The following CLDN16 variants were observed in gnomAD, a reference collection of about 807,000 sequenced individuals.
CLDN16 encodes the protein claudin-16.
CLDN16 carries 13 observed loss-of-function variants against 24.6 expected under a neutral mutation model. That is an observed-to-expected ratio of 0.53 (90% confidence interval 0.34 to 0.84). CLDN16 has a LOEUF of 0.84. Among genes scored for constraint, CLDN16 ranks in the 40% least tolerant of loss-of-function variants. The pLI is 0.01. For missense variants in CLDN16, 298 were observed against 292.7 expected (o/e 1.02, Z -0.13); for synonymous variants, 116 against 106.7 (o/e 1.09, Z -0.54).
chr3:190,316,343 TG>T, the CLDN16 span, among the ~76,000 whole-genome samples: 1 of 152,250 alleles, frequency 6.6e-6, no homozygotes, highest in Non-Finnish European at 1.5e-5. Flanking sequence ...CCCAAAATCT[TG>T]CTTTGCTTCA....
upstream of CLDN16, among the ~76,000 whole-genome samples, chr3:190,385,931 A>G (rs780648382): frequency 3.9e-5 from 6 of 152,158 alleles, no homozygotes; most frequent in Non-Finnish European, 7.3e-5. Flanking sequence ...AATTTCCTGA[A>G]TCCAAATGTC....
intron 1 of CLDN16, among the ~76,000 whole-genome samples, chr3:190,347,568 C>T (rs960282021): frequency 1.3e-5 from 2 of 152,136 alleles, no homozygotes; most frequent in Non-Finnish European, 2.9e-5. Context: ...TCTTAGGTAT[C>T]AAGGACACAG....
chr3:190,400,846 C>T (rs1334793886), intron 1 of CLDN16, among the ~76,000 whole-genome samples: 1 of 152,008 alleles, frequency 6.6e-6, no homozygotes, highest in African/African-American at 2.4e-5. Flanking sequence ...TTTGTTGGAT[C>T]ATAAAGAATG....
intron 3 of CLDN16, among the ~76,000 whole-genome samples, chr3:190,405,132 A>G (rs1309598158): frequency 6.6e-6 from 1 of 152,064 alleles, no homozygotes; most frequent in Non-Finnish European, 1.5e-5. Context: ...TCTCAGAACA[A>G]AATATGAAGC....
the CLDN16 span, among the ~76,000 whole-genome samples, chr3:190,300,163 G>A: frequency 3.3e-5 from 5 of 151,962 alleles, no homozygotes; most frequent in East Asian, 3.9e-4. Context: ...TTGAGGGGTC[G>A]TGGGGGCGGG....
At chr3:190,388,616 A>C (rs192478720) in intron 1 of CLDN16, among the ~76,000 whole-genome samples, 173 bp downstream of exon 1, 31 of 152,314 alleles carry the variant, frequency 2.0e-4, no homozygotes, top group Admixed American at 1.8e-3. Flanking sequence ...CTCATAGTTA[A>C]TTTATGAGGT....
At chr3:190,316,451 A>G in the CLDN16 span, among the ~76,000 whole-genome samples, 1 of 152,242 alleles carries the variant, frequency 6.6e-6, no homozygotes, top group Non-Finnish European at 1.5e-5. Flanking sequence ...CTGAGAATTA[A>G]AACAGCACGA....
intron 1 of CLDN16, among the ~76,000 whole-genome samples, chr3:190,347,991 C>G (rs1300033466): frequency 1.3e-5 from 2 of 151,410 alleles, no homozygotes; most frequent in African/African-American, 4.9e-5. Flanking sequence ...CATCTGTAAT[C>G]CCAGCATTTT....
chr3:190,398,134 G>A (rs1453373398), intron 1 of CLDN16, among the ~76,000 whole-genome samples: 1 of 152,194 alleles, frequency 6.6e-6, no homozygotes, highest in South Asian at 2.1e-4. Context: ...AGACACTACA[G>A]GGCAGTCAGC....
At chr3:190,381,772 G>A (rs369657862) in intron 3 of CLDN16, among the ~76,000 whole-genome samples, 1 of 152,044 alleles carries the variant, frequency 6.6e-6, no homozygotes, top group East Asian at 1.9e-4. Flanking sequence ...TGGCATGAGT[G>A]CAGTGATAAG....
chr3:190,350,642 A>T (rs181024559), intron 1 of CLDN16, among the ~76,000 whole-genome samples: 32 of 152,242 alleles, frequency 2.1e-4, no homozygotes, highest in African/African-American at 7.7e-4. Context: ...ATGAGAATGC[A>T]CCTTCCAGAC....
chr3:190,379,834 C>G (rs190047893), intron 3 of CLDN16, among the ~76,000 whole-genome samples: 2 of 152,170 alleles, frequency 1.3e-5, no homozygotes. Context: ...CTACATCAAC[C>G]ATTATCTTTT....
chr3:190,404,803 A>G lies in CLDN16; in HGVS notation c.259A>G (p.Ile87Val), dbSNP rs1403200551. The change falls in exon 3 of 5, where the codon ATT becomes GTT. Residue 87 changes from isoleucine to valine, a missense_variant. Ile to Val is a conservative substitution (Grantham distance 29, BLOSUM62 3). Coordinates refer to ENST00000264734, the MANE Select transcript of CLDN16 (RefSeq NM_006580.4). ...VTRALMITADILAGFGFLTLL... is the reference protein window; with the variant it reads ...VTRALMITADVLAGFGFLTLL... The stretch of plus-strand genomic sequence containing the variant: ...TCGAGCGTTGATGATTACTGCAGAT[A>G]TTCTAGCTGGGTTTGGATTTCTCAC... 1.9e-6 allele frequency: 3 copies of G among 1,613,950 alleles called. No homozygotes were observed. The highest frequency in any genetic ancestry group is 3.3e-5 in the Admixed American group (2 of 59,988).
At chr3:190,292,565 G>T in the CLDN16 span, among the ~76,000 whole-genome samples, 1 of 152,140 alleles carries the variant, frequency 6.6e-6, no homozygotes, top group East Asian at 1.9e-4. Flanking sequence ...GCAAATTTCT[G>T]CAGCTGGCTT....
intron 1 of CLDN16, among the ~76,000 whole-genome samples, chr3:190,363,131 A>G (rs968514335): frequency 6.6e-6 from 1 of 151,794 alleles, no homozygotes; most frequent in South Asian, 2.1e-4. Context: ...TTTTCTCCAG[A>G]ATTTTTCTTT....
intron 1 of CLDN16, among the ~76,000 whole-genome samples, chr3:190,327,230 C>T (rs191822226): frequency 1.3e-5 from 2 of 152,330 alleles, no homozygotes; most frequent in Admixed American, 6.5e-5. Flanking sequence ...AATTCCTGCT[C>T]TTCTGGGAAA....
chr3:190,385,501 A>G (rs1349843090), upstream of CLDN16, among the ~76,000 whole-genome samples: 1 of 152,198 alleles, frequency 6.6e-6, no homozygotes, highest in African/African-American at 2.4e-5. Context: ...AGCCACCTGA[A>G]TAATTCCCCA....
At chr3:190,382,190 T>C (rs889043894) in intron 3 of CLDN16, among the ~76,000 whole-genome samples, 3 of 151,892 alleles carry the variant, frequency 2.0e-5, no homozygotes, top group African/African-American at 7.3e-5. Flanking sequence ...TCAAAGGGAG[T>C]AGAATGTTAA....
chr3:190,349,467 G>C (rs2108634764), intron 1 of CLDN16, among the ~76,000 whole-genome samples: 1 of 152,238 alleles, frequency 6.6e-6, no homozygotes, highest in South Asian at 2.1e-4. Flanking sequence ...CCCAGGCTCA[G>C]GTAGGTATTT....
Sources: gnomAD v4.1 joint callset for allele counts (sites outside exome capture counted in the v4.1 genomes callset) on GRCh38, gnomAD v4.1.1 for gene constraint, MANE v1.5 for transcripts, NCBI Gene and HGNC (gene_info 2026-07-23, HGNC 2026-07-21) for gene names.